CCDC81: variants seen among roughly 807,000 people sequenced by gnomAD.
CCDC81 encodes the protein coiled-coil domain-containing protein 81.
A neutral mutation model predicts 83.7 loss-of-function variants in CCDC81; 79 were observed. The ratio of observed to expected loss-of-function variants is 0.94; its 90% confidence interval spans 0.79 to 1.14. The LOEUF is 1.14. Among genes scored for constraint, CCDC81 ranks in the 50% most tolerant of loss-of-function variants. The probability of loss-of-function intolerance (pLI) is 0.00; values close to 1 mark genes in which losing one functional copy is unlikely to be tolerated. For synonymous variants in CCDC81, 252 were observed against 278.1 expected, an observed-to-expected ratio of 0.91 and a Z score of 0.93; for missense variants, 791 against 778.1, an observed-to-expected ratio of 1.02 and a Z score of -0.20.
intron 1 of CCDC81, among the ~76,000 whole-genome samples, chr11:86,383,369 T>A (rs1330312218): frequency 8.5e-5 from 13 of 152,250 alleles, no homozygotes; most frequent in Non-Finnish European, 1.5e-4. Flanking sequence ...ACATATCTGT[T>A]TTTTGACATT....
chr11:86,395,415 T>C lies in CCDC81; in HGVS notation c.635+2T>C. The C allele has an allele frequency of 6.2e-7, 1 of 1,613,702 alleles. No homozygotes were observed. ...CAGCAGTGTGCTTGCGTTTCCAAGG[T>C]GAGTGCTTTGCTTCACGGGTTCCTC... On this transcript the variant is annotated splice_donor_variant, in intron 5 of 14. Coordinates refer to ENST00000445632, the MANE Select transcript of CCDC81 (RefSeq NM_001156474.2). LOFTEE classifies it high-confidence loss of function.
intron 6 of CCDC81, 109 bp downstream of exon 6, chr11:86,397,851 T>C: frequency 1.6e-6 from 2 of 1,288,486 alleles, no homozygotes; most frequent in East Asian, 2.8e-5. Flanking sequence ...ATCACTATAT[T>C]ATTATTACTT....
chr11:86,399,383 T>C (rs1269344856), intron 6 of CCDC81, among the ~76,000 whole-genome samples: 1 of 152,194 alleles, frequency 6.6e-6, no homozygotes, highest in African/African-American at 2.4e-5. Context: ...GTGCACTGTC[T>C]TGGCTCACTG....
In CCDC81 at chr11:86,388,210, C is replaced by CTCCTTCCTTCCTTCCT. The variant is rs35032279; in HGVS notation, c.298+549_298+564dup. 4.3e-3 allele frequency among the ~76,000 whole-genome samples: 614 copies of CTCCTTCCTTCCTTCCT among 144,402 alleles called. 4 individuals are homozygous for CTCCTTCCTTCCTTCCT. Among genetic ancestry groups the CTCCTTCCTTCCTTCCT allele is most frequent in the Middle Eastern group, 0.017 (5 of 288 alleles). The allele number at this position is 144,402 out of a possible 152,430, so 94.7% of individuals were successfully genotyped here. A position where few individuals can be genotyped will look rare whatever the true frequency, so the allele number is the denominator to read the frequency against. ...CCTCCTTTCCTCCTTCCCTCCTTCC[C>CTCCTTCCTTCCTTCCT]TCCTTCCTTCCTTCCTTCCTTCCTT... On this transcript the variant is annotated intron_variant, in intron 3 of 14. Transcript: ENST00000445632.
chr11:86,397,859 C>CTT (rs903122931), intron 6 of CCDC81, 117 bp downstream of exon 6: 17 of 1,096,680 alleles, frequency 1.6e-5, no homozygotes, highest in Middle Eastern at 3.2e-4. Context: ...ATTATTATTA[C>CTT]TTTTTTTTTT....
At chr11:86,395,167 T>G in intron 4 of CCDC81, 167 bp from the exon 5 acceptor site, 3 of 521,240 alleles carry the variant, frequency 5.8e-6, no homozygotes, top group Non-Finnish European at 1.0e-5. Context: ...CTCTGATGAA[T>G]GAGATCATTC....
chr11:86,403,229 T>G (rs540429714), intron 7 of CCDC81, among the ~76,000 whole-genome samples: 15 of 152,192 alleles, frequency 9.9e-5, no homozygotes, highest in Non-Finnish European at 1.6e-4. Flanking sequence ...TGTGTCCTTT[T>G]TTAACTGGGA....
chr11:86,415,384 C>T, intron 13 of CCDC81, 71 bp downstream of exon 13: 2 of 1,198,030 alleles, frequency 1.7e-6, no homozygotes, highest in Non-Finnish European at 2.4e-6. Context: ...TCTCTTTTTC[C>T]ACCCTGTCCC....
At chr11:86,381,416 G>A (rs1433391754) in intron 1 of CCDC81, among the ~76,000 whole-genome samples, 8 of 152,170 alleles carry the variant, frequency 5.3e-5, no homozygotes, top group African/African-American at 1.7e-4. Context: ...TTTGGCTGTG[G>A]GAATCTGGTT....
intron 7 of CCDC81, among the ~76,000 whole-genome samples, chr11:86,407,373 C>T (rs909941208): frequency 2.0e-5 from 3 of 152,164 alleles, no homozygotes; most frequent in Non-Finnish European, 4.4e-5. Context: ...TGGGACTTTG[C>T]AAGATTACAC....
At chr11:86,405,785 CT>C (rs146946869) in intron 7 of CCDC81, among the ~76,000 whole-genome samples, 49,903 of 127,972 alleles carry the variant, frequency 0.39, 6,487 homozygotes, top group Admixed American at 0.43. Flanking sequence ...CTTCTTTTTT[CT>C]TTTTTTTTTT....
At chr11:86,388,609 GA>G (rs1344867983) in intron 3 of CCDC81, among the ~76,000 whole-genome samples, 4 of 152,134 alleles carry the variant, frequency 2.6e-5, no homozygotes, top group African/African-American at 7.2e-5. Flanking sequence ...TGATATATTA[GA>G]AAAACAAATG....
intron 1 of CCDC81, among the ~76,000 whole-genome samples, chr11:86,380,925 T>G (rs540009714): frequency 6.6e-6 from 1 of 152,386 alleles, no homozygotes; most frequent in East Asian, 1.9e-4. Context: ...CCCTGCCATG[T>G]CTGGCTCTGA....
At chr11:86,392,307 C>G (rs1315366695) in intron 3 of CCDC81, among the ~76,000 whole-genome samples, 1 of 152,122 alleles carries the variant, frequency 6.6e-6, no homozygotes, top group Admixed American at 6.5e-5. Context: ...GCTAACTGTT[C>G]TTATTTTGAG....
At chr11:86,408,349 T>C in intron 9 of CCDC81, 79 bp downstream of exon 9, 7 of 1,366,750 alleles carry the variant, frequency 5.1e-6, no homozygotes, top group Non-Finnish European at 6.8e-6. Flanking sequence ...TTATTTTTTA[T>C]TGGCGCAGGG....
chr11:86,385,112 G>T (rs1008362262), intron 1 of CCDC81, among the ~76,000 whole-genome samples: 2 of 152,198 alleles, frequency 1.3e-5, no homozygotes, highest in Non-Finnish European at 2.9e-5. Context: ...TTGAGGCTGG[G>T]CATGGTGGCT....
chr11:86,420,130 ATT>A, intron 14 of CCDC81, 77 bp downstream of exon 14: 2 of 1,530,746 alleles, frequency 1.3e-6, no homozygotes, highest in Non-Finnish European at 1.8e-6. Flanking sequence ...ACTCCACTTG[ATT>A]AGCAGTGGCT....
chr11:86,395,719 C>G (rs574198939), intron 5 of CCDC81, among the ~76,000 whole-genome samples: 35 of 152,316 alleles, frequency 2.3e-4, no homozygotes, highest in Middle Eastern at 3.4e-3. Context: ...CTCCTGGGTT[C>G]AAGCAATTCT....
At chr11:86,397,023 A>C (rs1481942361) in intron 5 of CCDC81, among the ~76,000 whole-genome samples, 4 of 152,092 alleles carry the variant, frequency 2.6e-5, no homozygotes, top group African/African-American at 9.7e-5. Context: ...GAATTGACTG[A>C]AGGTACCCCC....
Sources: allele counts gnomAD v4.1 joint callset (sites outside exome capture counted in the v4.1 genomes callset), GRCh38; gene constraint gnomAD v4.1.1; transcripts MANE v1.5; gene names NCBI Gene and HGNC (gene_info 2026-07-23, HGNC 2026-07-21).